OSBPL6: variants seen among roughly 807,000 people sequenced by gnomAD.
OSBPL6 encodes the protein oxysterol-binding protein-related protein 6.
Under a neutral mutation model 125.8 loss-of-function variants are expected in OSBPL6, and 49 were observed. That is an observed-to-expected ratio of 0.39 (90% CI 0.31 to 0.49). The LOEUF (loss-of-function observed/expected upper bound fraction) is 0.49, where lower values mean the gene tolerates loss of function less well. Among genes scored for constraint, OSBPL6 ranks in the 20% least tolerant of loss-of-function variants. The probability of loss-of-function intolerance (pLI) is 0.88; values close to 1 mark genes in which losing one functional copy is unlikely to be tolerated. For synonymous variants in OSBPL6, 394 were observed against 391.8 expected (o/e 1.01, Z -0.07); for missense variants, 986 against 1,135.4 (o/e 0.87, Z 1.89).
At chr2:178,374,604 G>A (rs536094149) in intron 15 of OSBPL6, among the ~76,000 whole-genome samples, 17 of 152,282 alleles carry the variant, frequency 1.1e-4, no homozygotes, top group Middle Eastern at 3.4e-3. Flanking sequence ...CCTTGGTCAG[G>A]TTGCAGAAAT....
chr2:178,380,057 T>A (rs1694320352), intron 15 of OSBPL6, among the ~76,000 whole-genome samples: 1 of 152,188 alleles, frequency 6.6e-6, no homozygotes. Flanking sequence ...AAACAAAGTT[T>A]AAAAATGCAA....
In OSBPL6 at chr2:178,385,524, T is replaced by G; in HGVS notation, c.2077+3T>G. 6.3e-7 allele frequency: 1 copy of G among 1,590,166 alleles called. No individual in the cohort carries two copies. The highest frequency in any genetic ancestry group is 1.1e-5 in the South Asian group (1 of 90,332). ...AAAGAATTTTGTGTTTTGGCAAGGT[T>G]TGTATTTCAATTATAATTTAAAATC... On this transcript the variant is annotated splice_donor_region_variant and intron_variant, in intron 19 of 24. Coordinates refer to ENST00000190611, the MANE Select transcript of OSBPL6 (RefSeq NM_032523.4).
At position 178,308,021 on chromosome 2, in the gene OSBPL6, C is replaced by A. The variant is rs79892995; in HGVS notation, c.102+1735C>A. Among the ~76,000 whole-genome samples, 2,317 of 152,284 alleles carry A rather than the reference C, an allele frequency of 0.015. 107 individuals carry two copies. In the East Asian group the frequency reaches 0.18, roughly 12 times the overall value. On this transcript the variant is annotated intron_variant, in intron 3 of 24. Transcript: ENST00000190611. Reference sequence around the variant, plus strand: ...AGTTTTATGATGGGAATGAAAGGAGCATGTCTGTACATGGATAATGAGTTC... The same window carrying A: ...AGTTTTATGATGGGAATGAAAGGAGAATGTCTGTACATGGATAATGAGTTC...
At chr2:178,271,836 A>C (rs986231280) in intron 1 of OSBPL6, among the ~76,000 whole-genome samples, 1 of 152,208 alleles carries the variant, frequency 6.6e-6, no homozygotes, top group African/African-American at 2.4e-5. Context: ...GTGATATTCT[A>C]GACTGAATGT....
At chr2:178,244,867 A>G (rs529586380) in intron 1 of OSBPL6, among the ~76,000 whole-genome samples, 1 of 152,326 alleles carries the variant, frequency 6.6e-6, no homozygotes, top group East Asian at 1.9e-4. Context: ...TGGTAATGGG[A>G]AAAATATTTT....
intron 3 of OSBPL6, among the ~76,000 whole-genome samples, chr2:178,314,672 T>C (rs1451147814): frequency 6.6e-6 from 1 of 152,108 alleles, no homozygotes; most frequent in African/African-American, 2.4e-5. Context: ...AACAAACCAA[T>C]AGAATAACAC....
intron 1 of OSBPL6, among the ~76,000 whole-genome samples, chr2:178,282,914 A>G (rs981273465): frequency 5.9e-5 from 9 of 152,258 alleles, no homozygotes; most frequent in African/African-American, 2.2e-4. Context: ...TGGCTTCCCA[A>G]AGTGCTGGGA....
At position 178,384,122 on chromosome 2, in the gene OSBPL6, G is replaced by C; in HGVS notation, c.1959G>C (p.Gly653=). 6.2e-7 allele frequency: 1 copy of C among 1,614,096 alleles called. No homozygotes were observed. Among genetic ancestry groups the C allele is most frequent in the Non-Finnish European group, 8.5e-7 (1 of 1,179,984 alleles). Reference sequence around the variant, plus strand: ...GTAAGCCATTCAACCCAGTCCTTGGGGAGACTTATGAATGCATTAGAGAAG... The same window carrying C: ...GTAAGCCATTCAACCCAGTCCTTGGCGAGACTTATGAATGCATTAGAGAAG... ...AGSKPFNPVL[G]ETYECIREDK... Residue 653 remains glycine (G), a synonymous_variant, in exon 18 of 25, where the codon GGG becomes GGC. Coordinates refer to ENST00000190611, the MANE Select transcript of OSBPL6 (RefSeq NM_032523.4).
chr2:178,263,975 C>T (rs979542519), intron 1 of OSBPL6, among the ~76,000 whole-genome samples: 8 of 152,142 alleles, frequency 5.3e-5, no homozygotes, highest in Non-Finnish European at 1.0e-4. Context: ...CCCACATTTA[C>T]AACAGAGAGG....
At chr2:178,225,530 C>T (rs2090523149) in intron 1 of OSBPL6, among the ~76,000 whole-genome samples, 2 of 152,024 alleles carry the variant, frequency 1.3e-5, no homozygotes, top group Non-Finnish European at 2.9e-5. Context: ...TACAGAAAAC[C>T]GTGGTGTCAG....
intron 1 of OSBPL6, among the ~76,000 whole-genome samples, chr2:178,239,660 C>G (rs2091208051): frequency 6.6e-6 from 1 of 151,518 alleles, no homozygotes; most frequent in African/African-American, 2.4e-5. Context: ...GAGTCTCGCT[C>G]TGTCGCCCAG....
chr2:178,240,147 G>A (rs983625961), intron 1 of OSBPL6, among the ~76,000 whole-genome samples: 1 of 152,176 alleles, frequency 6.6e-6, no homozygotes, highest in Non-Finnish European at 1.5e-5. Context: ...AGAATGGGGA[G>A]TTAATTTTTA....
At chr2:178,317,803 G>A (rs1460142323) in intron 3 of OSBPL6, among the ~76,000 whole-genome samples, 1 of 151,228 alleles carries the variant, frequency 6.6e-6, no homozygotes, top group African/African-American at 2.4e-5. Flanking sequence ...CCTTACCCTG[G>A]GTAATTTTAA....
chr2:178,249,179 A>G (rs1030381812), intron 1 of OSBPL6, among the ~76,000 whole-genome samples: 2 of 152,174 alleles, frequency 1.3e-5, no homozygotes, highest in Admixed American at 6.5e-5. Context: ...GCCTCAAGCA[A>G]TCCACCCACC....
intron 1 of OSBPL6, among the ~76,000 whole-genome samples, chr2:178,228,360 A>T (rs13018708): frequency 1.2e-4 from 18 of 151,602 alleles, no homozygotes; most frequent in Admixed American, 1.3e-4. Flanking sequence ...ATGGTGAAAC[A>T]CCATCTCTAC....
chr2:178,365,717 A>G (rs1692764537), intron 13 of OSBPL6, among the ~76,000 whole-genome samples: 3 of 152,154 alleles, frequency 2.0e-5, no homozygotes, highest in South Asian at 2.1e-4. Context: ...TTCCCAATCT[A>G]TATGTACACA....
chr2:178,247,973 T>C (rs772117472), intron 1 of OSBPL6, among the ~76,000 whole-genome samples: 10 of 152,236 alleles, frequency 6.6e-5, no homozygotes, highest in Non-Finnish European at 1.2e-4. Flanking sequence ...CTTTTGAAGA[T>C]ACTTGCCCTC....
In OSBPL6 at chr2:178,358,938, C is replaced by T. The variant is rs1273302674; in HGVS notation, c.1154-2744C>T. 6.6e-5 allele frequency among the ~76,000 whole-genome samples: 10 copies of T among 151,994 alleles called. No homozygotes were observed. In the East Asian group the frequency reaches 9.6e-4, roughly 15 times the overall value. On this transcript the variant is annotated intron_variant, in intron 12 of 24. Transcript: ENST00000190611. ...CTCATACAACTCAATAGGAAGAAAA[C>T]GTATAACCTTTACTTGAGGCCAGGA...
Position 178,382,473 on chromosome 2 carries a change from C to T in OSBPL6, c.1587C>T (p.Asp529=). The change falls in exon 16 of 25, where the codon GAC becomes GAT. Residue 529 remains aspartate (D), a synonymous_variant. Transcript: ENST00000190611. ...ATGTGAGTGATAATATATCTGAAGA[C>T]AACACCAGTGTTGCAGACAATATTT... ...ISDVSDNISE[D]NTSVADNISR... is the part of the protein sequence containing the mutation. 1 of 1,613,972 alleles carries T rather than the reference C, an allele frequency of 6.2e-7. No individual in the cohort carries two copies. The highest frequency in any genetic ancestry group is 8.5e-7 in the Non-Finnish European group (1 of 1,179,958).
Sources: allele counts gnomAD v4.1 joint callset (sites outside exome capture counted in the v4.1 genomes callset), GRCh38; gene constraint gnomAD v4.1.1; transcripts MANE v1.5; gene names NCBI Gene and HGNC (gene_info 2026-07-23, HGNC 2026-07-21).